FLT4: variants seen among roughly 807,000 people sequenced by gnomAD.
FLT4 encodes the protein vascular endothelial growth factor receptor 3.
Under a neutral mutation model 163.2 loss-of-function variants are expected in FLT4, and 30 were observed. The observed-to-expected ratio is 0.18, with a 90% CI of 0.14 to 0.25. The LOEUF is 0.25. Ranked by LOEUF, FLT4 falls within the 10% of genes least tolerant of loss-of-function variation. The pLI is 1.00. For missense variants in FLT4, 1,510 were observed against 1,863.8 expected, an observed-to-expected ratio of 0.81 and a Z score of 3.50; for synonymous variants, 884 against 789.5, an observed-to-expected ratio of 1.12 and a Z score of -2.01.
In FLT4 at chr5:180,646,685, C is replaced by T. The variant is rs534542649; in HGVS notation, c.58+2803G>A. ...TGTCCCTGCAAGGCACAGGAAACCC[C>T]TGTGCGATGGGGCCAGGTCCAAGTC... is the stretch of plus-strand genomic sequence containing the variant. On this transcript the variant is annotated intron_variant, in intron 1 of 29. Transcript: ENST00000261937. Among the ~76,000 whole-genome samples, 3 of 152,340 alleles carry T rather than the reference C, an allele frequency of 2.0e-5. No homozygotes were observed. The South Asian group carries it at 6.2e-4, about 32-fold the overall frequency.
At chr5:180,637,750 G>C (rs185370975) in intron 1 of FLT4, among the ~76,000 whole-genome samples, 1 of 152,078 alleles carries the variant, frequency 6.6e-6, no homozygotes, top group Non-Finnish European at 1.5e-5. Context: ...GGCTAGTCTC[G>C]AACTCCTGAC....
At chr5:180,628,450 CTG>C (rs1165888769) in intron 8 of FLT4, among the ~76,000 whole-genome samples, 1 of 152,262 alleles carries the variant, frequency 6.6e-6, no homozygotes, top group Non-Finnish European at 1.5e-5. Flanking sequence ...CCCAGGCAAT[CTG>C]TCAATTCCCT....
At chr5:180,610,839 C>T (rs969624096) in intron 27 of FLT4, among the ~76,000 whole-genome samples, 5 of 152,182 alleles carry the variant, frequency 3.3e-5, no homozygotes, top group Admixed American at 1.3e-4. Context: ...AGGCAGATCA[C>T]GAGGTCAGGA....
In FLT4 at chr5:180,638,473, G is replaced by A. The variant is rs887408798; in HGVS notation, c.59-6695C>T. On this transcript the variant is annotated intron_variant, in intron 1 of 29. Coordinates refer to ENST00000261937, the MANE Select transcript of FLT4 (RefSeq NM_182925.5). ...CACCCCAAAGTGGCTTCTGGGGCCCGCTCTTGTCGTCCTCCAGGCCTGCCT... is the reference window on the plus strand; with the variant it reads ...CACCCCAAAGTGGCTTCTGGGGCCCACTCTTGTCGTCCTCCAGGCCTGCCT... 3.9e-5 allele frequency among the ~76,000 whole-genome samples: 6 copies of A among 152,200 alleles called. No homozygotes were observed. In the South Asian group the frequency reaches 6.2e-4, roughly 16 times the overall value.
intron 11 of FLT4, 88 bp from the exon 12 acceptor site, chr5:180,622,927 C>A (rs1474542286): frequency 1.8e-5 from 10 of 555,934 alleles, no homozygotes; most frequent in Admixed American, 5.6e-5. Flanking sequence ...CGCTGTGCAC[C>A]ACCCCCCCCA....
chr5:180,622,935 C>CCA, intron 11 of FLT4, 96 bp from the exon 12 acceptor site: 1 of 787,678 alleles, frequency 1.3e-6, no homozygotes, highest in South Asian at 1.4e-5. Flanking sequence ...ACCACCCCCC[C>CCA]CAATCATGGG....
intron 1 of FLT4, among the ~76,000 whole-genome samples, chr5:180,643,970 T>C (rs1253405072): frequency 2.0e-5 from 3 of 152,152 alleles, no homozygotes; most frequent in East Asian, 3.9e-4. Context: ...TACAGACGCC[T>C]GCCACCGCAC....
rs750612064 is a variant in FLT4 at position 180,616,506 on chromosome 5, C to T, written c.3097-17G>A. ...GTGGATGCACTGGGGTGCGGGGAGGCGGCAGGGGGGCTGTCAGTGCAGGCC... is the reference window on the plus strand; with the variant it reads ...GTGGATGCACTGGGGTGCGGGGAGGTGGCAGGGGGGCTGTCAGTGCAGGCC... On this transcript the variant is annotated splice_polypyrimidine_tract_variant and intron_variant, in intron 22 of 29. Coordinates refer to ENST00000261937, the MANE Select transcript of FLT4 (RefSeq NM_182925.5). The T allele has an allele frequency of 1.2e-5, 19 of 1,613,256 alleles. No individual in the cohort carries two copies. Among genetic ancestry groups the T allele is most frequent in the Non-Finnish European group, 1.6e-5 (19 of 1,179,902 alleles).
intron 1 of FLT4, among the ~76,000 whole-genome samples, chr5:180,642,556 A>T (rs574607396): frequency 6.6e-6 from 1 of 150,554 alleles, no homozygotes; most frequent in African/African-American, 2.4e-5. Flanking sequence ...CGCTGGATGT[A>T]CTCTCTCTCT....
chr5:180,612,997 A>G lies in FLT4; in HGVS notation c.3431+14T>C, dbSNP rs1762332365. The stretch of plus-strand genomic sequence containing the variant: ...TGCTGTCCCCAAAACCTGCAGGGCC[A>G]TGGGGAGGCTCACATGGCGGGAGTG... On this transcript the variant is annotated intron_variant, in intron 25 of 29. Coordinates refer to ENST00000261937, the MANE Select transcript of FLT4 (RefSeq NM_182925.5). 1.9e-6 allele frequency: 3 copies of G among 1,600,636 alleles called. No homozygotes were observed. The highest frequency in any genetic ancestry group is 3.4e-5 in the Admixed American group (2 of 59,700).
chr5:180,631,911 C>A (rs966323958), intron 1 of FLT4, 133 bp from the exon 2 acceptor site: 7 of 394,736 alleles, frequency 1.8e-5, no homozygotes, highest in Admixed American at 1.3e-4. Context: ...TCAGCCAGCA[C>A]CGCGTGGCCT....
At chr5:180,639,730 C>G (rs138976496) in intron 1 of FLT4, among the ~76,000 whole-genome samples, 1 of 152,148 alleles carries the variant, frequency 6.6e-6, no homozygotes, top group Non-Finnish European at 1.5e-5. Flanking sequence ...CAGCCTGCCA[C>G]GTCCAGAGGC....
chr5:180,620,687 G>A lies in FLT4; in HGVS notation c.2328C>T (p.Ile776=), dbSNP rs139263798. The change falls in exon 16 of 30, where the codon ATC becomes ATT. Residue 776 remains isoleucine (I), a synonymous_variant. Transcript: ENST00000261937. This position sits in a 1 kb window ranked among gnomAD's most constrained non-coding sequence, Gnocchi z 4.4. ...EGSEDKGSME[I]VILVGTGVIA... ...TGACGCCGGTACCGACAAGGATCAC[G>A]ATCTCCATGCTGCCCTTATCCTCGG... The A allele has an allele frequency of 5.5e-5, 89 of 1,613,586 alleles. No homozygotes were observed. The Admixed American group carries it at 5.8e-4, about 11-fold the overall frequency.
intron 1 of FLT4, among the ~76,000 whole-genome samples, chr5:180,639,096 CGCATGGAT>C (rs1324143011): frequency 6.6e-6 from 1 of 150,464 alleles, no homozygotes; most frequent in Non-Finnish European, 1.5e-5. Flanking sequence ...GATAGGTGGA[CGCATGGAT>C]GGATGGATGA....
Position 180,609,068 on chromosome 5 carries a change from C to T in FLT4, c.3808-15G>A. The T allele has an allele frequency of 6.2e-7, 1 of 1,613,186 alleles. No homozygotes were observed. The highest frequency in any genetic ancestry group is 8.5e-7 in the Non-Finnish European group (1 of 1,179,132). On this transcript the variant is annotated splice_polypyrimidine_tract_variant and intron_variant, in intron 28 of 29. Coordinates refer to ENST00000261937, the MANE Select transcript of FLT4 (RefSeq NM_182925.5). ...GTCTGGTTGTCCTGTGTGGAGAGGA[C>T]AAGCCAGGCTGTGGGTCCCGCCTGA... is the stretch of plus-strand genomic sequence containing the variant.
At chr5:180,619,427 C>T (rs141303558) in intron 18 of FLT4, 61 bp from the exon 19 acceptor site, 97 of 1,085,604 alleles carry the variant, frequency 8.9e-5, no homozygotes, top group Non-Finnish European at 1.1e-4. Flanking sequence ...TCCCCGCCAC[C>T]CGGCGCTTTT....
At chr5:180,622,045 A>G in intron 12 of FLT4, 141 bp from the exon 13 acceptor site, 1 of 892,392 alleles carries the variant, frequency 1.1e-6, no homozygotes, top group Non-Finnish European at 1.6e-6. Flanking sequence ...CCCCCGCCCC[A>G]CCAAAAGCCC....
chr5:180,615,012 G>A (rs998387159), intron 23 of FLT4, among the ~76,000 whole-genome samples: 1 of 152,138 alleles, frequency 6.6e-6, no homozygotes, highest in Non-Finnish European at 1.5e-5. Flanking sequence ...TCCATCTCCA[G>A]GACAGACACC....
At chr5:180,614,526 ACT>A (rs1762482584) in intron 23 of FLT4, among the ~76,000 whole-genome samples, 1 of 151,332 alleles carries the variant, frequency 6.6e-6, no homozygotes, top group South Asian at 2.1e-4. Flanking sequence ...ACCCCTGCAC[ACT>A]CTCACCATCT....
Sources: gnomAD v4.1 joint callset for allele counts (sites outside exome capture counted in the v4.1 genomes callset) on GRCh38, gnomAD v4.1.1 for gene constraint, Gnocchi (gnomAD v3.1) non-coding constraint, MANE v1.5 for transcripts, NCBI Gene and HGNC (gene_info 2026-07-23, HGNC 2026-07-21) for gene names.